The following MCUB variants were observed in gnomAD, a reference collection of about 807,000 sequenced individuals.
The protein encoded by MCUB is mitochondrial calcium uniporter dominant negative subunit beta, also known as calcium uniporter regulatory subunit MCUb, mitochondrial.
Under a neutral mutation model 41.4 loss-of-function variants are expected in MCUB, and 46 were observed. The ratio of observed to expected loss-of-function variants is 1.11; its 90% CI spans 0.88 to 1.42. The LOEUF (loss-of-function observed/expected upper bound fraction) is 1.42. Ranked by LOEUF, MCUB falls within the 40% of genes most tolerant of loss-of-function variation. MCUB has a pLI of 0.00. For synonymous variants in MCUB, 148 were observed against 148.2 expected (o/e 1.00, Z 0.01); for missense variants, 403 against 404.9 (o/e 1.00, Z 0.04).
rs567011110 is a variant in MCUB at position 109,573,181 on chromosome 4, G to A, written c.99+12745G>A. On this transcript the variant is annotated intron_variant, in intron 1 of 7. Transcript: ENST00000394650. ...AGAATATTAGGAACAGATTGGGCACGGTGGCTCACGCCTGTAATCCCAGCA... is the reference window on the plus strand; with the variant it reads ...AGAATATTAGGAACAGATTGGGCACAGTGGCTCACGCCTGTAATCCCAGCA... Among the ~76,000 whole-genome samples, 84 of 152,152 alleles carry A rather than the reference G, an allele frequency of 5.5e-4. 3 individuals are homozygous for A. In the South Asian group the frequency reaches 0.013, roughly 23 times the overall value.
At chr4:109,681,700 C>G (rs536680884) in intron 4 of MCUB, among the ~76,000 whole-genome samples, 2 of 152,334 alleles carry the variant, frequency 1.3e-5, no homozygotes, top group South Asian at 4.1e-4. Flanking sequence ...AGCCTTTAGC[C>G]CGATCTGGAG....
chr4:109,662,463 T>C (rs1320544633), intron 3 of MCUB, among the ~76,000 whole-genome samples: 2 of 152,214 alleles, frequency 1.3e-5, no homozygotes, highest in Non-Finnish European at 2.9e-5. Context: ...ATGTTTATCC[T>C]GCTTATTTCT....
chr4:109,650,797 C>T (rs1728944499), intron 1 of MCUB, among the ~76,000 whole-genome samples: 1 of 152,190 alleles, frequency 6.6e-6, no homozygotes, highest in Non-Finnish European at 1.5e-5. Flanking sequence ...ATTTAGTTGT[C>T]ATGTCTCCTC....
At chr4:109,583,812 TGAGATA>T (rs1262307673) in intron 1 of MCUB, among the ~76,000 whole-genome samples, 9 of 152,290 alleles carry the variant, frequency 5.9e-5, no homozygotes, top group African/African-American at 2.2e-4. Flanking sequence ...CTGCATCTAT[TGAGATA>T]ATCATGGGGT....
intron 1 of MCUB, among the ~76,000 whole-genome samples, chr4:109,646,158 A>G (rs895702425): frequency 6.6e-6 from 1 of 152,026 alleles, no homozygotes; most frequent in African/African-American, 2.4e-5. Flanking sequence ...CCAGCCCCTC[A>G]GCTTTCTAGC....
intron 1 of MCUB, among the ~76,000 whole-genome samples, chr4:109,578,013 G>C (rs1219636708): frequency 1.3e-5 from 2 of 152,206 alleles, no homozygotes; most frequent in Non-Finnish European, 2.9e-5. Context: ...TTAATTAAAA[G>C]AGAGTTTGAT....
At chr4:109,636,761 G>C (rs911812193) in intron 1 of MCUB, among the ~76,000 whole-genome samples, 2 of 152,196 alleles carry the variant, frequency 1.3e-5, no homozygotes, top group Non-Finnish European at 2.9e-5. Flanking sequence ...CTTGAACCTG[G>C]GAGGCGGAGG....
chr4:109,644,344 C>T (rs1223215377), intron 1 of MCUB, among the ~76,000 whole-genome samples: 1 of 152,174 alleles, frequency 6.6e-6, no homozygotes, highest in Admixed American at 6.5e-5. Flanking sequence ...CACAATCCCA[C>T]TAACTCCTGA....
At position 109,560,412 on chromosome 4, in the gene MCUB, G is replaced by A. The variant is rs1167045791; in HGVS notation, c.75G>A (p.Pro25=). The A allele has an allele frequency of 3.1e-6, 4 of 1,307,432 alleles. No homozygotes were observed. The highest frequency in any genetic ancestry group is 3.9e-6 in the Non-Finnish European group (4 of 1,028,990). The allele number at this position is 1,307,432 out of a possible 1,614,324, so 81.0% of individuals were successfully genotyped here. The part of the protein sequence containing the change: ...PTPGTWRPAR[P]WPLPPPPQVL... Reference sequence around the variant, plus strand: ...CTGGCACCTGGCGCCCAGCGCGCCCGTGGCCGCTGCCGCCTCCGCCCCAGG... The same window carrying A: ...CTGGCACCTGGCGCCCAGCGCGCCCATGGCCGCTGCCGCCTCCGCCCCAGG... Residue 25 remains proline, a synonymous_variant, in exon 1 of 8, where the codon CCG becomes CCA. Transcript: ENST00000394650.
At chr4:109,662,659 A>C (rs1729253490) in intron 3 of MCUB, among the ~76,000 whole-genome samples, 1 of 152,208 alleles carries the variant, frequency 6.6e-6, no homozygotes, top group Admixed American at 6.5e-5. Flanking sequence ...GTCTTTTGCT[A>C]TTCATACCTT....
At chr4:109,646,139 T>C (rs1364388155) in intron 1 of MCUB, among the ~76,000 whole-genome samples, 2 of 151,996 alleles carry the variant, frequency 1.3e-5, no homozygotes, top group Non-Finnish European at 2.9e-5. Context: ...TACCATCTGG[T>C]TTCTGTCTCC....
chr4:109,609,576 A>ATATTC (rs1413604088), intron 1 of MCUB, among the ~76,000 whole-genome samples: 1 of 152,118 alleles, frequency 6.6e-6, no homozygotes, highest in African/African-American at 2.4e-5. Flanking sequence ...GTGACTTAGA[A>ATATTC]TGTCTAACCT....
intron 4 of MCUB, chr4:109,681,481 TGGGCC>T (rs1193865931): frequency 6.6e-6 from 3 of 453,556 alleles, no homozygotes; most frequent in Admixed American, 4.7e-5. Flanking sequence ...AAGATGGTCG[TGGGCC>T]ACTTCCAAGA....
intron 1 of MCUB, among the ~76,000 whole-genome samples, chr4:109,600,948 C>T (rs779222282): frequency 6.6e-6 from 1 of 152,114 alleles, no homozygotes; most frequent in Non-Finnish European, 1.5e-5. Flanking sequence ...GTGCCCACCA[C>T]CAAGCCCAGC....
chr4:109,598,083 C>T (rs576034017), intron 1 of MCUB, among the ~76,000 whole-genome samples: 25 of 149,508 alleles, frequency 1.7e-4, no homozygotes, highest in African/African-American at 5.7e-4. Flanking sequence ...GGATGGCGGC[C>T]GGACGGAGAC....
At chr4:109,605,355 A>G (rs143529050) in intron 1 of MCUB, among the ~76,000 whole-genome samples, 1,665 of 152,176 alleles carry the variant, frequency 0.011, 106 homozygotes, top group Admixed American at 0.1. Flanking sequence ...TCCCCTTGCT[A>G]TTGATTTCTA....
At chr4:109,625,468 A>G in intron 1 of MCUB, among the ~76,000 whole-genome samples, 1 of 152,226 alleles carries the variant, frequency 6.6e-6, no homozygotes, top group East Asian at 1.9e-4. Flanking sequence ...TCAACACTTT[A>G]TTATAAAATG....
chr4:109,624,628 G>C (rs183425252), intron 1 of MCUB, among the ~76,000 whole-genome samples: 1 of 152,176 alleles, frequency 6.6e-6, no homozygotes, highest in Non-Finnish European at 1.5e-5. Context: ...AATCAAACTG[G>C]AGGAAGAAAG....
At chr4:109,608,153 G>A (rs888799757) in intron 1 of MCUB, among the ~76,000 whole-genome samples, 4 of 151,966 alleles carry the variant, frequency 2.6e-5, no homozygotes, top group African/African-American at 9.7e-5. Context: ...TTCTCTGCTT[G>A]ATCAATTCTG....
Sources: allele counts gnomAD v4.1 joint callset (sites outside exome capture counted in the v4.1 genomes callset), GRCh38; gene constraint gnomAD v4.1.1; transcripts MANE v1.5; gene names NCBI Gene and HGNC (gene_info 2026-07-23, HGNC 2026-07-21).